The following ZC3H13 variants were observed in gnomAD, a reference collection of about 807,000 sequenced individuals.
ZC3H13 encodes the protein zinc finger CCCH-type containing 13.
In ZC3H13, 64 loss-of-function variants were observed where a neutral mutation model predicts 204.1. The observed-to-expected ratio is 0.31, with a 90% CI of 0.26 to 0.39. The LOEUF (loss-of-function observed/expected upper bound fraction) is 0.39, where lower values mean the gene tolerates loss of function less well. ZC3H13 is among the 10% of genes least tolerant of loss of function. The probability of loss-of-function intolerance (pLI) is 1.00; values close to 1 mark genes in which losing one functional copy is unlikely to be tolerated. For missense variants in ZC3H13, 1,833 were observed against 2,082.7 expected, an observed-to-expected ratio of 0.88 and a Z score of 2.33; for synonymous variants, 667 against 693.7, an observed-to-expected ratio of 0.96 and a Z score of 0.60.
chr13:45,967,441 T>C (rs1952187118), intron 15 of ZC3H13, 63 bp downstream of exon 15: 4 of 1,482,304 alleles, frequency 2.7e-6, no homozygotes, highest in African/African-American at 1.4e-5. Flanking sequence ...AAGAAAATAG[T>C]TGTTTCCCAC....
At chr13:46,018,344 C>G (rs1383707004) in intron 5 of ZC3H13, among the ~76,000 whole-genome samples, 1 of 151,926 alleles carries the variant, frequency 6.6e-6, no homozygotes, top group Non-Finnish European at 1.5e-5. Context: ...CAGTAAGGCA[C>G]AGAACTGTTT....
intron 6 of ZC3H13, among the ~76,000 whole-genome samples, chr13:46,010,912 A>G (rs1447637915): frequency 6.6e-6 from 1 of 152,092 alleles, no homozygotes; most frequent in Non-Finnish European, 1.5e-5. Flanking sequence ...AAAAATAAAA[A>G]TAATAAAATT....
intron 12 of ZC3H13, among the ~76,000 whole-genome samples, chr13:45,974,970 C>T (rs1484277910): frequency 6.6e-6 from 1 of 151,956 alleles, no homozygotes; most frequent in African/African-American, 2.4e-5. Flanking sequence ...TCTCAGCCTC[C>T]CAAGTAGCTG....
intron 8 of ZC3H13, among the ~76,000 whole-genome samples, chr13:46,002,271 G>A (rs2040807669): frequency 6.6e-6 from 1 of 152,162 alleles, no homozygotes; most frequent in Non-Finnish European, 1.5e-5. Flanking sequence ...CAAACTAAGT[G>A]TTGGTGAAGG....
At position 45,969,073 on chromosome 13, in the gene ZC3H13, G is replaced by C. The variant is rs539345087; in HGVS notation, c.3471C>G (p.His1157Gln). ...TNNTFANEDS[H>Q]RKCHRTRVEK... Reference sequence around the variant, plus strand: ...CTACTCGTGTTCTGTGGCATTTTCTGTGTGAGTCTTCATTGGCAAAAGTAT... The same window carrying C: ...CTACTCGTGTTCTGTGGCATTTTCTCTGTGAGTCTTCATTGGCAAAAGTAT... Residue 1157 changes from histidine (H) to glutamine (Q), a missense_variant, in exon 14 of 19, where the codon CAC (histidine) becomes CAG (glutamine). This residue lies in a region of ZC3H13 where 1,574 missense variants were observed against 1,757.2 expected (regional missense o/e 0.90). Transcript: ENST00000679008. 2 of 1,614,190 alleles carry C rather than the reference G, an allele frequency of 1.2e-6. No individual in the cohort carries two copies. Among genetic ancestry groups the C allele is most frequent in the East Asian group, 4.5e-5 (2 of 44,884 alleles).
intron 18 of ZC3H13, among the ~76,000 whole-genome samples, chr13:45,958,823 T>G (rs1951471216): frequency 6.6e-6 from 1 of 151,774 alleles, no homozygotes; most frequent in African/African-American, 2.4e-5. Context: ...CCCGGCTAAT[T>G]TTTTGTATTT....
intron 4 of ZC3H13, among the ~76,000 whole-genome samples, chr13:46,026,266 G>T (rs949710804): frequency 2.6e-5 from 4 of 151,842 alleles, no homozygotes; most frequent in South Asian, 2.1e-4. Context: ...AGTACAAAAA[G>T]AATTAAAATG....
chr13:46,016,002 G>A (rs1232693090), intron 5 of ZC3H13, among the ~76,000 whole-genome samples: 1 of 151,312 alleles, frequency 6.6e-6, no homozygotes, highest in Non-Finnish European at 1.5e-5. Context: ...ACAAAATAGG[G>A]TGTACAATGG....
chr13:46,008,319 CAAA>C (rs5803322), intron 7 of ZC3H13, among the ~76,000 whole-genome samples: 3 of 143,922 alleles, frequency 2.1e-5, no homozygotes, highest in African/African-American at 2.5e-5. Flanking sequence ...TGTTATACTC[CAAA>C]AAAAAAAAAA....
At chr13:45,958,201 T>C (rs993232112) in intron 18 of ZC3H13, among the ~76,000 whole-genome samples, 2 of 152,218 alleles carry the variant, frequency 1.3e-5, no homozygotes, top group African/African-American at 4.8e-5. Context: ...TTTTTAAAAA[T>C]TGAATCCCCC....
At chr13:45,964,378 T>C (rs1349345135) in intron 16 of ZC3H13, among the ~76,000 whole-genome samples, 1 of 152,236 alleles carries the variant, frequency 6.6e-6, no homozygotes, top group Non-Finnish European at 1.5e-5. Context: ...AGAATCCTTT[T>C]AAGGGTTAAA....
intron 11 of ZC3H13, among the ~76,000 whole-genome samples, chr13:45,978,118 C>T (rs1035406594): frequency 4.6e-5 from 7 of 152,116 alleles, no homozygotes; most frequent in African/African-American, 1.7e-4. Context: ...TCAGATGTCA[C>T]TTCTTTAGGC....
At chr13:46,014,843 C>A (rs897325574) in intron 5 of ZC3H13, among the ~76,000 whole-genome samples, 3 of 152,152 alleles carry the variant, frequency 2.0e-5, no homozygotes, top group Non-Finnish European at 4.4e-5. Flanking sequence ...CAACACTGCC[C>A]TATAAACAAG....
intron 4 of ZC3H13, among the ~76,000 whole-genome samples, chr13:46,021,618 T>C (rs1348134993): frequency 6.6e-6 from 1 of 151,896 alleles, no homozygotes; most frequent in Non-Finnish European, 1.5e-5. Flanking sequence ...CATGAAGTCA[T>C]ACTGTAAATA....
At chr13:45,982,546 C>T (rs73478676) in intron 10 of ZC3H13, among the ~76,000 whole-genome samples, 1 of 152,036 alleles carries the variant, frequency 6.6e-6, no homozygotes, top group Non-Finnish European at 1.5e-5. Context: ...AAAGATATAT[C>T]AAACAAATAC....
intron 4 of ZC3H13, among the ~76,000 whole-genome samples, chr13:46,024,628 A>G (rs1399838747): frequency 6.7e-6 from 1 of 150,334 alleles, no homozygotes. Flanking sequence ...ATAATATTCT[A>G]TCTCTCATGT....
intron 10 of ZC3H13, 67 bp downstream of exon 10, chr13:45,985,230 T>C: frequency 1.4e-6 from 2 of 1,386,790 alleles, no homozygotes; most frequent in Non-Finnish European, 9.7e-7. Flanking sequence ...AACAACATAT[T>C]AGAAATCTTA....
chr13:46,011,685 T>C (rs1348788577), intron 5 of ZC3H13, 131 bp from the exon 6 acceptor site: 4 of 539,082 alleles, frequency 7.4e-6, no homozygotes, highest in African/African-American at 2.0e-5. Context: ...CACATACTTC[T>C]AAAAGATAAA....
At position 45,988,924 on chromosome 13, in the gene ZC3H13, G is replaced by T. The variant is rs762850445; in HGVS notation, c.1118C>A (p.Pro373His). The T allele has an allele frequency of 6.2e-7, 1 of 1,614,134 alleles. No homozygotes were observed. Among genetic ancestry groups the T allele is most frequent in the Non-Finnish European group, 8.5e-7 (1 of 1,180,020 alleles). The change falls in exon 9 of 19, where the codon CCT becomes CAT. Residue 373 changes from proline to histidine, a missense_variant. Around this residue, in one of 5 missense-constraint regions of ZC3H13, gnomAD observed 1,574 missense variants for 1,757.2 expected, o/e 0.90. Coordinates refer to ENST00000679008, the MANE Select transcript of ZC3H13 (RefSeq NM_001330564.2). ...LTPPLRRSASPYPSHSLSSPQ... is the reference protein window; with the variant it reads ...LTPPLRRSASHYPSHSLSSPQ... ...AGACGACAAAGAATGTGAAGGATAA[G>T]GAGAGGCAGAGCGTCGTAAAGGTGG...
Sources: allele counts gnomAD v4.1 joint callset (sites outside exome capture counted in the v4.1 genomes callset), GRCh38; gene constraint gnomAD v4.1.1; regional missense constraint gnomAD v4.1.1; transcripts MANE v1.5; gene names NCBI Gene and HGNC (gene_info 2026-07-23, HGNC 2026-07-21).